AKT3: variants seen among roughly 807,000 people sequenced by gnomAD.
AKT3 encodes the protein RAC-gamma serine/threonine-protein kinase.
In AKT3, 15 loss-of-function variants were observed where a neutral mutation model predicts 65.3. The observed-to-expected ratio is 0.23, with a 90% CI of 0.15 to 0.35. The LOEUF (loss-of-function observed/expected upper bound fraction) is 0.35. AKT3 is among the 10% of genes least tolerant of loss of function. The pLI is 1.00. For missense variants in AKT3, 243 were observed against 576.5 expected, an observed-to-expected ratio of 0.42 and a Z score of 5.92; for synonymous variants, 206 against 183.8, an observed-to-expected ratio of 1.12 and a Z score of -0.98.
chr1:243,784,992 G>A (rs938749513), intron 2 of AKT3, among the ~76,000 whole-genome samples: 3 of 151,872 alleles, frequency 2.0e-5, no homozygotes, highest in Admixed American at 6.6e-5. Context: ...TTCAACTCCC[G>A]GCTTAAGTGA....
At chr1:243,846,236 CA>C (rs1388513801) in intron 1 of AKT3, among the ~76,000 whole-genome samples, 1 of 152,060 alleles carries the variant, frequency 6.6e-6, no homozygotes, top group East Asian at 1.9e-4. Flanking sequence ...CCTAGTCCCC[CA>C]AATACAGTCA....
rs11354558 is a variant in AKT3, at chr1:243,689,482, ATT to A, written c.172+6107_172+6108del. 3.7e-3 allele frequency among the ~76,000 whole-genome samples: 469 copies of A among 128,350 alleles called. 3 individuals are homozygous for A. The highest frequency in any genetic ancestry group is 0.01 in the African/African-American group (354 of 34,008). 84.2% of individuals were successfully genotyped at this position (128,350 alleles called of 152,430 possible). ...CTCTGTATATAATATTTATTCAAAG[ATT>A]TTTTTTTTTTTTTTTTTTTTAAAGA... On this transcript the variant is annotated intron_variant, in intron 3 of 13. Transcript: ENST00000673466.
intron 8 of AKT3, among the ~76,000 whole-genome samples, chr1:243,581,128 C>T (rs1192532555): frequency 2.0e-5 from 3 of 152,238 alleles, no homozygotes; most frequent in Non-Finnish European, 4.4e-5. Context: ...CTAGGCACAT[C>T]TCTGGGCCCT....
At chr1:243,669,221 G>C (rs1683006550) in intron 3 of AKT3, among the ~76,000 whole-genome samples, 1 of 152,122 alleles carries the variant, frequency 6.6e-6, no homozygotes, top group African/African-American at 2.4e-5. Context: ...GTTAGGAATT[G>C]TGTGCACAGT....
intron 2 of AKT3, among the ~76,000 whole-genome samples, chr1:243,784,552 A>T (rs548557177): frequency 6.6e-6 from 1 of 152,230 alleles, no homozygotes; most frequent in Non-Finnish European, 1.5e-5. Context: ...CACATAAAAA[A>T]GTACTAAATT....
At chr1:243,619,019 C>T (rs529100270) in intron 6 of AKT3, among the ~76,000 whole-genome samples, 1 of 152,190 alleles carries the variant, frequency 6.6e-6, no homozygotes, top group East Asian at 1.9e-4. Context: ...AACTGCCTCC[C>T]ATCTTCAAAC....
chr1:243,768,503 C>A (rs1444695073), intron 2 of AKT3, among the ~76,000 whole-genome samples: 1 of 152,102 alleles, frequency 6.6e-6, no homozygotes, highest in Non-Finnish European at 1.5e-5. Context: ...CTATCCCTAT[C>A]AAAAACAGTT....
intron 2 of AKT3, among the ~76,000 whole-genome samples, chr1:243,823,177 CCA>C (rs941232713): frequency 2.0e-5 from 3 of 150,432 alleles, no homozygotes; most frequent in African/African-American, 7.5e-5. Context: ...AAAAACAAAA[CCA>C]CATGATTATC....
At chr1:243,833,926 C>T (rs924982604) in intron 2 of AKT3, among the ~76,000 whole-genome samples, 4 of 151,456 alleles carry the variant, frequency 2.6e-5, no homozygotes, top group African/African-American at 7.3e-5. Flanking sequence ...TAGCCGGCCA[C>T]ATATACGATT....
chr1:243,536,526 AATT>A (rs1276444654), intron 12 of AKT3, among the ~76,000 whole-genome samples: 4 of 152,136 alleles, frequency 2.6e-5, no homozygotes, highest in Non-Finnish European at 5.9e-5. Context: ...CTTAGCCTCA[AATT>A]ATTATTGTTG....
chr1:243,493,320 C>T (rs528656327), intron 13 of AKT3, among the ~76,000 whole-genome samples: 2 of 152,132 alleles, frequency 1.3e-5, no homozygotes, highest in Non-Finnish European at 2.9e-5. Context: ...GGTCTGCGGC[C>T]CAGAGCCTGG....
In AKT3 at chr1:243,500,656, C is replaced by T. The variant is rs1301562311; in HGVS notation, c.*4593G>A. On this transcript the variant is annotated 3_prime_UTR_variant, in exon 14 of 14. Coordinates refer to ENST00000673466, the MANE Select transcript of AKT3 (RefSeq NM_005465.7). ...GCAGTTAGTTAGGACAGGTCCCTGA[C>T]CTTCGGCTGCCCTGCCTGGCCAGCG... The T allele has an allele frequency of 4.3e-6, 1 of 230,002 alleles. No individual in the cohort carries two copies. The highest frequency in any genetic ancestry group is 8.6e-6 in the Non-Finnish European group (1 of 116,140). 14.2% of individuals were successfully genotyped at this position (230,002 alleles called of 1,614,324 possible).
Position 243,779,610 on chromosome 1 carries a change from G to A in AKT3, c.46+63515C>T, listed in dbSNP as rs532409596. On this transcript the variant is annotated intron_variant, in intron 2 of 13. Coordinates refer to ENST00000673466, the MANE Select transcript of AKT3 (RefSeq NM_005465.7). Reference sequence around the variant, plus strand: ...AAAACCTAAATGATTAAAACAGTACGGTATTCATGCAAAAATAGAATGGAT... The same window carrying A: ...AAAACCTAAATGATTAAAACAGTACAGTATTCATGCAAAAATAGAATGGAT... Among the ~76,000 whole-genome samples the A allele has an allele frequency of 1.9e-4, 29 of 151,888 alleles. No homozygotes were observed. In the South Asian group the frequency reaches 4.6e-3, roughly 24 times the overall value.
chr1:243,509,390 G>A (rs745307978), intron 13 of AKT3, among the ~76,000 whole-genome samples: 2 of 152,128 alleles, frequency 1.3e-5, no homozygotes, highest in South Asian at 2.1e-4. Flanking sequence ...AGTGCCCCGC[G>A]GGTGTCGAGT....
At chr1:243,594,899 G>A (rs1299800447) in intron 8 of AKT3, among the ~76,000 whole-genome samples, 1 of 152,056 alleles carries the variant, frequency 6.6e-6, no homozygotes, top group African/African-American at 2.4e-5. Context: ...CCCTTTCAAT[G>A]AAAGATAGTG....
chr1:243,785,608 C>T (rs1691212169), intron 2 of AKT3, among the ~76,000 whole-genome samples: 1 of 152,136 alleles, frequency 6.6e-6, no homozygotes, highest in Admixed American at 6.5e-5. Flanking sequence ...TAAAAACTTG[C>T]AAAAAGTCAA....
chr1:243,811,392 C>A (rs975856830), intron 2 of AKT3, among the ~76,000 whole-genome samples: 2 of 151,416 alleles, frequency 1.3e-5, no homozygotes, highest in Non-Finnish European at 3.0e-5. Context: ...AGACAAACAG[C>A]CAAATTATGA....
intron 4 of AKT3, among the ~76,000 whole-genome samples, chr1:243,650,433 C>G (rs529363260): frequency 3.9e-5 from 6 of 152,030 alleles, no homozygotes; most frequent in South Asian, 4.1e-4. Context: ...TGTCAATTTT[C>G]GCTTTTGTTG....
At chr1:243,548,770 T>C (rs940618743) in intron 11 of AKT3, among the ~76,000 whole-genome samples, 1 of 152,098 alleles carries the variant, frequency 6.6e-6, no homozygotes, top group Non-Finnish European at 1.5e-5. Context: ...CAACTCCGCA[T>C]AGGAAGATAA....
Sources: gnomAD v4.1 joint callset for allele counts (sites outside exome capture counted in the v4.1 genomes callset) on GRCh38, gnomAD v4.1.1 for gene constraint, MANE v1.5 for transcripts, NCBI Gene and HGNC (gene_info 2026-07-23, HGNC 2026-07-21) for gene names.